Variants in NRG3 observed in about 807,000 individuals in gnomAD.
NRG3 encodes pro-neuregulin-3, membrane-bound isoform.
A neutral mutation model predicts 66.9 loss-of-function variants in NRG3; 31 were observed. The observed-to-expected ratio is 0.46, with a 90% CI of 0.35 to 0.63. NRG3 has a LOEUF of 0.63. Ranked by LOEUF, NRG3 falls within the 20% of genes least tolerant of loss-of-function variation. NRG3 has a pLI of 0.00. For missense variants in NRG3, 910 were observed against 878.9 expected (o/e 1.04, Z -0.45); for synonymous variants, 393 against 359.4 (o/e 1.09, Z -1.06).
intron 2 of NRG3, among the ~76,000 whole-genome samples, chr10:82,476,127 A>C (rs1445676548): frequency 2.0e-5 from 3 of 152,214 alleles, no homozygotes; most frequent in Non-Finnish European, 4.4e-5. Context: ...AATCAAAAGC[A>C]TGAAAACATA....
rs534921637 is a variant in NRG3, at chr10:82,428,464, G to T, written c.953+69596G>T. Among the ~76,000 whole-genome samples the T allele has an allele frequency of 2.0e-5, 3 of 151,876 alleles. No individual in the cohort carries two copies. In the East Asian group the frequency reaches 5.8e-4, roughly 29 times the overall value. On this transcript the variant is annotated intron_variant, in intron 2 of 8. Transcript: ENST00000372141. The stretch of plus-strand genomic sequence containing the variant: ...TTTGACTCCTTTGTTATTTAACAGT[G>T]TGGGTTTTGTTTGTTGTTTGTTTGT...
intron 3 of NRG3, among the ~76,000 whole-genome samples, chr10:82,762,006 C>G (rs2059346567): frequency 7.6e-6 from 1 of 131,862 alleles, no homozygotes; most frequent in South Asian, 2.3e-4. Flanking sequence ...TCCTTTCTCT[C>G]TTTCTTTCTT....
At chr10:82,592,644 T>A (rs1222871499) in intron 2 of NRG3, among the ~76,000 whole-genome samples, 1 of 152,178 alleles carries the variant, frequency 6.6e-6, no homozygotes, top group Non-Finnish European at 1.5e-5. Context: ...CAGCCAAGAC[T>A]AGAATGCCCA....
chr10:82,366,768 G>A (rs1276867980), intron 2 of NRG3, among the ~76,000 whole-genome samples: 1 of 151,970 alleles, frequency 6.6e-6, no homozygotes, highest in African/African-American at 2.4e-5. Flanking sequence ...GAAAATATAT[G>A]ATTCAAGAAA....
intron 2 of NRG3, among the ~76,000 whole-genome samples, chr10:82,542,005 A>G (rs1433120652): frequency 6.6e-6 from 1 of 152,166 alleles, no homozygotes; most frequent in East Asian, 1.9e-4. Context: ...TGCTGCACCT[A>G]TCAACCCGTC....
At chr10:82,862,508 A>G (rs1352173180) in intron 3 of NRG3, among the ~76,000 whole-genome samples, 1 of 152,146 alleles carries the variant, frequency 6.6e-6, no homozygotes, top group Admixed American at 6.5e-5. Context: ...TGTACTAACC[A>G]CAGATCCACC....
At chr10:81,969,496 C>T (rs1280026323) in intron 1 of NRG3, among the ~76,000 whole-genome samples, 1 of 152,072 alleles carries the variant, frequency 6.6e-6, no homozygotes, top group Non-Finnish European at 1.5e-5. Flanking sequence ...AGGAAACAGG[C>T]TTCTTGAGGC....
intron 1 of NRG3, among the ~76,000 whole-genome samples, chr10:82,303,704 C>T (rs1589654263): frequency 6.6e-6 from 1 of 151,966 alleles, no homozygotes; most frequent in East Asian, 2.0e-4. Flanking sequence ...CCTGTCTGTA[C>T]TAAAAATACA....
At chr10:82,049,508 A>G (rs922667168) in intron 1 of NRG3, among the ~76,000 whole-genome samples, 3 of 152,074 alleles carry the variant, frequency 2.0e-5, no homozygotes, top group African/African-American at 7.2e-5. Context: ...TAACTTTCCA[A>G]AATTTTCTCT....
At chr10:82,900,901 T>G (rs1365063490) in intron 4 of NRG3, among the ~76,000 whole-genome samples, 1 of 152,192 alleles carries the variant, frequency 6.6e-6, no homozygotes, top group Admixed American at 6.5e-5. Context: ...TTTGCTTTGT[T>G]TTGCTAGTGA....
In NRG3 at chr10:82,276,549, A is replaced by G. The variant is rs1466689194; in HGVS notation, c.824-82190A>G. Among the ~76,000 whole-genome samples, 4 of 152,108 alleles carry G rather than the reference A, an allele frequency of 2.6e-5. No homozygotes were observed. In the East Asian group the frequency reaches 5.8e-4, roughly 22 times the overall value. ...CTTTGCATTGTCACAAAGAAATGAA[A>G]CACAGAATTAAATAAAATAATGCAA... On this transcript the variant is annotated intron_variant, in intron 1 of 8. Transcript: ENST00000372141.
intron 3 of NRG3, among the ~76,000 whole-genome samples, chr10:82,757,723 C>A (rs552583025): frequency 6.6e-6 from 1 of 152,076 alleles, no homozygotes; most frequent in African/African-American, 2.4e-5. Context: ...AGGCATGCAG[C>A]CCCTTCTGGT....
chr10:82,728,806 G>A (rs1344232355), intron 2 of NRG3, among the ~76,000 whole-genome samples: 1 of 152,182 alleles, frequency 6.6e-6, no homozygotes, highest in Non-Finnish European at 1.5e-5. Context: ...GGGGGTAGAT[G>A]TGACAATGAA....
Position 82,904,039 on chromosome 10 carries a change from ATCT to A in NRG3, c.1054+38607_1054+38609del, listed in dbSNP as rs1283310441. On this transcript the variant is annotated intron_variant, in intron 4 of 8. Transcript: ENST00000372141. Reference sequence around the variant, plus strand: ...TTACATTATCAGCTTGTATTTTAACATCTTCTTTTTTTCAACAAATATGCAGAA... The same window carrying A: ...TTACATTATCAGCTTGTATTTTAACATCTTTTTTTCAACAAATATGCAGAA... 5.3e-5 allele frequency among the ~76,000 whole-genome samples: 8 copies of A among 152,208 alleles called. No homozygotes were observed. The South Asian group carries it at 6.2e-4, about 12-fold the overall frequency.
At chr10:82,905,304 C>T (rs1844622357) in intron 4 of NRG3, among the ~76,000 whole-genome samples, 1 of 152,106 alleles carries the variant, frequency 6.6e-6, no homozygotes, top group South Asian at 2.1e-4. Context: ...TGTCTTAATC[C>T]ATCCAGTCCT....
At chr10:82,493,599 A>G (rs1843349557) in intron 2 of NRG3, among the ~76,000 whole-genome samples, 1 of 152,204 alleles carries the variant, frequency 6.6e-6, no homozygotes, top group African/African-American at 2.4e-5. Flanking sequence ...ATACATGTCC[A>G]TGTATCTTTG....
rs1841617183 is a variant in NRG3, at chr10:81,876,150, C to G, written c.810C>G (p.Thr270=). Residue 270 remains threonine (T), a synonymous_variant, in exon 1 of 9, where the codon ACC becomes ACG. Coordinates refer to ENST00000372141, the MANE Select transcript of NRG3 (RefSeq NM_001010848.4). ...SATTTTPETS[T]SPKFHTTTYS... ...CCACCACCACACCAGAAACTAGCAC[C>G]AGCCCCAAATTTCGTAAGTAAACAC... is the stretch of plus-strand genomic sequence containing the variant. The G allele has an allele frequency of 6.3e-7, 1 of 1,589,824 alleles. No individual in the cohort carries two copies. The highest frequency in any genetic ancestry group is 1.3e-5 in the African/African-American group (1 of 74,144).
chr10:82,356,811 T>G (rs2083815597), intron 1 of NRG3, among the ~76,000 whole-genome samples: 2 of 152,330 alleles, frequency 1.3e-5, no homozygotes, highest in African/African-American at 4.8e-5. Context: ...ATACTTCACT[T>G]TTTGCTGTAC....
intron 4 of NRG3, among the ~76,000 whole-genome samples, chr10:82,868,565 G>T (rs1041752313): frequency 2.6e-5 from 4 of 152,146 alleles, no homozygotes; most frequent in Non-Finnish European, 5.9e-5. Context: ...TTGCAGTAGT[G>T]AATAGCTTTA....
Sources: gnomAD v4.1 joint callset for allele counts (sites outside exome capture counted in the v4.1 genomes callset) on GRCh38, gnomAD v4.1.1 for gene constraint, MANE v1.5 for transcripts, NCBI Gene and HGNC (gene_info 2026-07-23, HGNC 2026-07-21) for gene names.